Variants in ROCK2 observed in about 807,000 individuals in gnomAD.
The protein encoded by ROCK2 is rho-associated protein kinase 2.
ROCK2 carries 61 observed loss-of-function variants against 195.1 expected under a neutral mutation model. The observed-to-expected ratio is 0.31, with a 90% CI of 0.25 to 0.39. The LOEUF is 0.39. Ranked by LOEUF, ROCK2 falls within the 10% of genes least tolerant of loss-of-function variation. ROCK2 has a pLI of 1.00. For missense variants in ROCK2, 1,109 were observed against 1,637.4 expected (o/e 0.68, Z 5.57); for synonymous variants, 504 against 545.5 (o/e 0.92, Z 1.06).
intron 3 of ROCK2, among the ~76,000 whole-genome samples, chr2:11,277,459 T>C (rs1404890974): frequency 6.6e-6 from 1 of 152,120 alleles, no homozygotes; most frequent in Non-Finnish European, 1.5e-5. Flanking sequence ...ACCCTATTTG[T>C]AGTCTTTTAT....
chr2:11,215,610 T>C lies in ROCK2; in HGVS notation c.1497A>G (p.Arg499=). ...GAAGCGCCTTTTCTCTTTCTAACTG[T>C]CTTAATGCTGATTCCACACTTTTCC... ...TLRKSVESAL[R]QLEREKALLQ... is the part of the protein sequence containing the mutation. Residue 499 remains arginine, a synonymous_variant, in exon 14 of 33, where the codon AGA becomes AGG. Coordinates refer to ENST00000315872, the MANE Select transcript of ROCK2 (RefSeq NM_004850.5). 6.2e-7 allele frequency: 1 copy of C among 1,612,228 alleles called. No individual in the cohort carries two copies. The highest frequency in any genetic ancestry group is 8.5e-7 in the Non-Finnish European group (1 of 1,179,232).
Position 11,181,181 on chromosome 2 carries a change from A to AAAT in ROCK2, c.*2255_*2256insATT, listed in dbSNP as rs894347975. The AAAT allele has an allele frequency of 7.3e-6, 1 of 136,160 alleles. No homozygotes were observed. Among genetic ancestry groups the AAAT allele is most frequent in the Non-Finnish European group, 1.6e-5 (1 of 63,196 alleles). The allele number at this position is 136,160 out of a possible 1,614,324, so 8.4% of individuals were successfully genotyped here. Reference sequence around the variant, plus strand: ...TTTCACCTTAATAAAGTTTATTAAAAATATATATATATATATATATATATA... The same window carrying AAAT: ...TTTCACCTTAATAAAGTTTATTAAAAAATATATATATATATATATATATATATA... On this transcript the variant is annotated 3_prime_UTR_variant, in exon 33 of 33. Coordinates refer to ENST00000315872, the MANE Select transcript of ROCK2 (RefSeq NM_004850.5).
At position 11,326,083 on chromosome 2, in the gene ROCK2, T is replaced by C. The variant is rs1289562889; in HGVS notation, c.141+17913A>G. Among the ~76,000 whole-genome samples the C allele has an allele frequency of 5.3e-5, 8 of 152,186 alleles. No individual in the cohort carries two copies. In the South Asian group the frequency reaches 1.5e-3, roughly 28 times the overall value. On this transcript the variant is annotated intron_variant, in intron 1 of 32. Transcript: ENST00000315872. ...ATATGTTATCATTAAGTATCTGCAG[T>C]ACATCCAAGTAGAGATGCCCAGTAG...
intron 3 of ROCK2, among the ~76,000 whole-genome samples, chr2:11,263,146 G>A (rs1020360263): frequency 2.6e-5 from 4 of 152,168 alleles, no homozygotes; most frequent in African/African-American, 9.7e-5. Flanking sequence ...GTTTACATGA[G>A]TAGCATTGGA....
chr2:11,264,545 T>C (rs1042189249), intron 3 of ROCK2, among the ~76,000 whole-genome samples: 8 of 152,128 alleles, frequency 5.3e-5, no homozygotes, highest in African/African-American at 1.9e-4. Flanking sequence ...ATTTCACACA[T>C]TTTAGAGATC....
intron 23 of ROCK2, among the ~76,000 whole-genome samples, chr2:11,199,219 T>G (rs546899075): frequency 6.6e-6 from 1 of 152,162 alleles, no homozygotes; most frequent in South Asian, 2.1e-4. Context: ...GAAGTTTTAC[T>G]GTAAATTACG....
intron 5 of ROCK2, among the ~76,000 whole-genome samples, chr2:11,231,907 T>C (rs755148834): frequency 6.6e-6 from 1 of 152,206 alleles, no homozygotes; most frequent in South Asian, 2.1e-4. Context: ...AATTTGAGCA[T>C]ATATGTCTAT....
intron 1 of ROCK2, among the ~76,000 whole-genome samples, chr2:11,343,203 A>C (rs1322454336): frequency 2.6e-5 from 4 of 152,216 alleles, no homozygotes; most frequent in Non-Finnish European, 5.9e-5. Context: ...TGCGAAATAC[A>C]ATCATCTATC....
chr2:11,190,777 C>G (rs1663395092), intron 32 of ROCK2, among the ~76,000 whole-genome samples: 1 of 152,072 alleles, frequency 6.6e-6, no homozygotes, highest in Non-Finnish European at 1.5e-5. Context: ...AATCACTACA[C>G]ACTATAAGGT....
chr2:11,311,692 C>A (rs963669223), intron 1 of ROCK2, among the ~76,000 whole-genome samples: 13 of 152,114 alleles, frequency 8.5e-5, no homozygotes, highest in Non-Finnish European at 1.8e-4. Flanking sequence ...CAATGCCCAG[C>A]AGTCAAACAT....
chr2:11,221,218 A>G lies in ROCK2; in HGVS notation c.1239T>C (p.Phe413=). 1 of 1,578,568 alleles carries G rather than the reference A, an allele frequency of 6.3e-7. No homozygotes were observed. ...FVGNQLPFIG[F]TYYRENLLLS... is the part of the protein sequence containing the mutation. ...CATACAAATTTTCTCTATAGTAGGT[A>G]AATCCGATGAAAGGCAGCTGATTTC... is the stretch of plus-strand genomic sequence containing the variant. Residue 413 remains phenylalanine, a synonymous_variant, in exon 9 of 33, where the codon TTT becomes TTC. Transcript: ENST00000315872.
chr2:11,207,045 T>C (rs1664078071), intron 20 of ROCK2, among the ~76,000 whole-genome samples: 2 of 152,226 alleles, frequency 1.3e-5, no homozygotes, highest in Admixed American at 1.3e-4. Flanking sequence ...CTCCTACTAA[T>C]AGAATAAATG....
Position 11,230,812 on chromosome 2 carries a change from T to TG in ROCK2, c.724-3415dup, listed in dbSNP as rs555728200. Among the ~76,000 whole-genome samples, 57 of 152,278 alleles carry TG rather than the reference T, an allele frequency of 3.7e-4. No individual in the cohort carries two copies. In the East Asian group the frequency reaches 5.0e-3, roughly 13 times the overall value. On this transcript the variant is annotated intron_variant, in intron 5 of 32. Transcript: ENST00000315872. ...CACAAAACTGGTCAATCAGAAATCT[T>TG]GGAGTTGGTCTAAAAACAACTGAAA...
At chr2:11,265,847 C>T (rs534579774) in intron 3 of ROCK2, among the ~76,000 whole-genome samples, 15 of 151,196 alleles carry the variant, frequency 9.9e-5, no homozygotes, top group African/African-American at 3.4e-4. Context: ...GTAATCCCAG[C>T]AATTTAGGAG....
intron 1 of ROCK2, among the ~76,000 whole-genome samples, chr2:11,294,153 G>A (rs12476286): frequency 0.011 from 1,673 of 150,980 alleles, 11 homozygotes; most frequent in East Asian, 0.018. Context: ...TGAGACTCCC[G>A]TCTCAAAAAA....
intron 1 of ROCK2, among the ~76,000 whole-genome samples, chr2:11,306,036 A>C (rs1667848766): frequency 1.3e-5 from 2 of 152,228 alleles, no homozygotes; most frequent in Non-Finnish European, 1.5e-5. Flanking sequence ...ATGAGAGTCA[A>C]GACTGGGGAA....
intron 32 of ROCK2, among the ~76,000 whole-genome samples, chr2:11,186,458 C>A (rs1366977882): frequency 6.6e-6 from 1 of 152,212 alleles, no homozygotes; most frequent in Admixed American, 6.5e-5. Context: ...ACAACCCTCT[C>A]CCTCATCCCT....
Position 11,193,867 on chromosome 2 carries a change from A to T in ROCK2, c.3609-10T>A. 2 of 1,534,888 alleles carry T rather than the reference A, an allele frequency of 1.3e-6. No homozygotes were observed. The highest frequency in any genetic ancestry group is 9.0e-7 in the Non-Finnish European group (1 of 1,114,968). On this transcript the variant is annotated splice_polypyrimidine_tract_variant and intron_variant, in intron 29 of 32. Transcript: ENST00000315872. ...GACATGAAATAACTTGCTATAAAAA[A>T]TTTTGAATAAAGGAATAAAATATCA...
intron 30 of ROCK2, among the ~76,000 whole-genome samples, chr2:11,193,200 G>A (rs941929814): frequency 7.9e-5 from 12 of 152,170 alleles, no homozygotes; most frequent in Non-Finnish European, 5.9e-5. Context: ...AAAGAGGAAA[G>A]GATGTGTATT....
Sources: gnomAD v4.1 joint callset for allele counts (sites outside exome capture counted in the v4.1 genomes callset) on GRCh38, gnomAD v4.1.1 for gene constraint, MANE v1.5 for transcripts, NCBI Gene and HGNC (gene_info 2026-07-23, HGNC 2026-07-21) for gene names.